The following TOP1 variants were observed in gnomAD, a reference collection of about 807,000 sequenced individuals.
TOP1 encodes the protein DNA topoisomerase 1.
A neutral mutation model predicts 111.1 loss-of-function variants in TOP1; 10 were observed. The ratio of observed to expected loss-of-function variants is 0.09; its 90% CI spans 0.06 to 0.15. TOP1 has a LOEUF of 0.15. Ranked by LOEUF, TOP1 falls within the 10% of genes least tolerant of loss-of-function variation. The pLI, the probability that TOP1 is intolerant of heterozygous loss-of-function variation, is 1.00. For missense variants in TOP1, 474 were observed against 926.7 expected, an observed-to-expected ratio of 0.51 and a Z score of 6.34; for synonymous variants, 271 against 302.9, an observed-to-expected ratio of 0.89 and a Z score of 1.10.
chr20:41,101,732 A>G lies in TOP1; in HGVS notation c.1308+379A>G, dbSNP rs2034067195. ...ATATTGGCCTCTGCAGATGTCTTCT[A>G]CTTCCTCACCTCTCTTGGTTATGAG... On this transcript the variant is annotated intron_variant, in intron 13 of 20. Coordinates refer to ENST00000361337, the MANE Select transcript of TOP1 (RefSeq NM_003286.4). The surrounding 1 kb of genome is among the most constrained non-coding windows in gnomAD (Gnocchi z 4.1). Among the ~76,000 whole-genome samples, 1 of 152,234 alleles carries G rather than the reference A, an allele frequency of 6.6e-6. No homozygotes were observed. The highest frequency in any genetic ancestry group is 1.5e-5 in the Non-Finnish European group (1 of 68,050).
At chr20:41,062,265 A>G (rs919678231) in intron 3 of TOP1, among the ~76,000 whole-genome samples, 1 of 152,238 alleles carries the variant, frequency 6.6e-6, no homozygotes, top group Non-Finnish European at 1.5e-5. Flanking sequence ...GATCTGTCAC[A>G]CATTAGAACA....
Position 41,029,623 on chromosome 20 carries a change from C to T in TOP1, c.58+168C>T, listed in dbSNP as rs2033091383. 7.3e-6 allele frequency: 5 copies of T among 681,032 alleles called. No individual in the cohort carries two copies. The highest frequency in any genetic ancestry group is 1.3e-5 in the Non-Finnish European group (5 of 377,554). The allele number at this position is 681,032 out of a possible 1,614,324, so 42.2% of individuals were successfully genotyped here. A position where few individuals can be genotyped will look rare whatever the true frequency, so the allele number is the denominator to read the frequency against. The stretch of plus-strand genomic sequence containing the variant: ...TCGGGCCGCCTCTTGACCCCCTTTC[C>T]GGGGACCCCAGCTCCTCCAGATCCC... On this transcript the variant is annotated intron_variant, in intron 2 of 20. Transcript: ENST00000361337. This position sits in a 1 kb window ranked among gnomAD's most constrained non-coding sequence, Gnocchi z 6.1.
chr20:41,078,177 G>A lies in TOP1; in HGVS notation c.335+540G>A, dbSNP rs1185728033. 6.6e-6 allele frequency among the ~76,000 whole-genome samples: 1 copy of A among 150,428 alleles called. No homozygotes were observed. The highest frequency in any genetic ancestry group is 1.5e-5 in the Non-Finnish European group (1 of 67,338). ...TGAGTGTAGATTTGGGTAGAATTATGTTATCTCTTTTCTAGAAGGAGAGGA... is the reference window on the plus strand; with the variant it reads ...TGAGTGTAGATTTGGGTAGAATTATATTATCTCTTTTCTAGAAGGAGAGGA... On this transcript the variant is annotated intron_variant, in intron 5 of 20. Transcript: ENST00000361337. The surrounding 1 kb of genome is among the most constrained non-coding windows in gnomAD (Gnocchi z 5.3).
chr20:41,111,029 C>T (rs191601098), intron 13 of TOP1, among the ~76,000 whole-genome samples: 49 of 152,250 alleles, frequency 3.2e-4, no homozygotes, highest in Admixed American at 1.2e-3. Flanking sequence ...GAATGACGTG[C>T]GGGTTGGGTT....
intron 2 of TOP1, among the ~76,000 whole-genome samples, chr20:41,060,832 T>C (rs1426345911): frequency 6.6e-6 from 1 of 152,242 alleles, no homozygotes; most frequent in Non-Finnish European, 1.5e-5. Flanking sequence ...ATAGTTGTTA[T>C]ATTGTGGGGG....
rs1183057546 is a variant in TOP1, at chr20:41,067,643, G to T, written c.155+6153G>T. Among the ~76,000 whole-genome samples, 1 of 152,158 alleles carries T rather than the reference G, an allele frequency of 6.6e-6. No homozygotes were observed. Among genetic ancestry groups the T allele is most frequent in the South Asian group, 2.1e-4 (1 of 4,830 alleles). ...ATTGTAGCTAATTTTGTGGCCATTT[G>T]TTAGGAGAAAACAAGTGTTTCAGAT... On this transcript the variant is annotated intron_variant, in intron 3 of 20. Coordinates refer to ENST00000361337, the MANE Select transcript of TOP1 (RefSeq NM_003286.4). The surrounding 1 kb of genome is among the most constrained non-coding windows in gnomAD (Gnocchi z 4.0).
chr20:41,053,496 T>C (rs2033431310), intron 2 of TOP1, among the ~76,000 whole-genome samples: 1 of 152,214 alleles, frequency 6.6e-6, no homozygotes, highest in Admixed American at 6.5e-5. Context: ...TAAGCAATCT[T>C]ACTGCCTTAC....
chr20:41,038,744 G>A (rs2033221140), intron 2 of TOP1, among the ~76,000 whole-genome samples: 1 of 152,154 alleles, frequency 6.6e-6, no homozygotes, highest in South Asian at 2.1e-4. Flanking sequence ...CCAGCACTTT[G>A]GGAGGCCGAG....
At chr20:41,039,328 C>G (rs1600552911) in intron 2 of TOP1, among the ~76,000 whole-genome samples, 1 of 152,250 alleles carries the variant, frequency 6.6e-6, no homozygotes, top group East Asian at 1.9e-4. Flanking sequence ...ACTGGAGGTA[C>G]TTTCTGGCAG....
intron 8 of TOP1, among the ~76,000 whole-genome samples, chr20:41,085,745 T>C (rs2033840596): frequency 2.0e-5 from 3 of 152,364 alleles, no homozygotes; most frequent in South Asian, 2.1e-4. Flanking sequence ...TTTATGGCTT[T>C]TGTAATTTAG....
chr20:41,045,562 C>G (rs2033323903), intron 2 of TOP1, among the ~76,000 whole-genome samples: 1 of 152,174 alleles, frequency 6.6e-6, no homozygotes, highest in African/African-American at 2.4e-5. Flanking sequence ...TAGGTTATGT[C>G]TGTTGCGTAG....
chr20:41,092,377 T>C lies in TOP1; in HGVS notation c.615-95T>C. ...CCCAGAAGTCATTCCAGAGCACTAA[T>C]CAGTTGAGCGGATAATTATTTGGCA... On this transcript the variant is annotated intron_variant, in intron 8 of 20. Coordinates refer to ENST00000361337, the MANE Select transcript of TOP1 (RefSeq NM_003286.4). This position sits in a 1 kb window ranked among gnomAD's most constrained non-coding sequence, Gnocchi z 4.3. 1 of 569,658 alleles carries C rather than the reference T, an allele frequency of 1.8e-6. No individual in the cohort carries two copies. The highest frequency in any genetic ancestry group is 3.1e-5 in the Admixed American group (1 of 31,806). The allele number at this position is 569,658 out of a possible 1,614,324, so 35.3% of individuals were successfully genotyped here.
chr20:41,099,283 G>A (rs1263765416), intron 11 of TOP1, among the ~76,000 whole-genome samples: 1 of 152,150 alleles, frequency 6.6e-6, no homozygotes, highest in African/African-American at 2.4e-5. Flanking sequence ...AATATTCCAA[G>A]TTAGTGAAAT....
chr20:41,067,891 G>T lies in TOP1; in HGVS notation c.155+6401G>T, dbSNP rs1363949376. 6.6e-6 allele frequency among the ~76,000 whole-genome samples: 1 copy of T among 152,208 alleles called. No homozygotes were observed. The highest frequency in any genetic ancestry group is 1.5e-5 in the Non-Finnish European group (1 of 68,044). Reference sequence around the variant, plus strand: ...TTCCTCTTTATTGTCCTCATGCAAGGTGCAAAACAAGGGAGTAGGTATTAA... The same window carrying T: ...TTCCTCTTTATTGTCCTCATGCAAGTTGCAAAACAAGGGAGTAGGTATTAA... On this transcript the variant is annotated intron_variant, in intron 3 of 20. Coordinates refer to ENST00000361337, the MANE Select transcript of TOP1 (RefSeq NM_003286.4). This position sits in a 1 kb window ranked among gnomAD's most constrained non-coding sequence, Gnocchi z 4.0.
In TOP1 at chr20:41,046,602, G is replaced by GT; in HGVS notation, c.59-14789dup. Among the ~76,000 whole-genome samples, 1 of 152,192 alleles carries GT rather than the reference G, an allele frequency of 6.6e-6. No individual in the cohort carries two copies. Among genetic ancestry groups the GT allele is most frequent in the Non-Finnish European group, 1.5e-5 (1 of 68,018 alleles). On this transcript the variant is annotated intron_variant, in intron 2 of 20. Coordinates refer to ENST00000361337, the MANE Select transcript of TOP1 (RefSeq NM_003286.4). This position sits in a 1 kb window ranked among gnomAD's most constrained non-coding sequence, Gnocchi z 4.3. ...CCTTTGCAGCAAAGCCCCCTGGATA[G>GT]TTTATTTTTTAGCAGTTCAGCTTGT...
At position 41,114,705 on chromosome 20, in the gene TOP1, TTAA is replaced by T. The variant is rs2034301156; in HGVS notation, c.1638+552_1638+554del. 6.6e-6 allele frequency among the ~76,000 whole-genome samples: 1 copy of T among 152,222 alleles called. No individual in the cohort carries two copies. Among genetic ancestry groups the T allele is most frequent in the African/African-American group, 2.4e-5 (1 of 41,440 alleles). On this transcript the variant is annotated intron_variant, in intron 15 of 20. Transcript: ENST00000361337. The surrounding 1 kb of genome is among the most constrained non-coding windows in gnomAD (Gnocchi z 4.5). ...CTCCAACTCCTGACTGAGTGAAAGGTTAATGTTAGTCCCCAGATCTCTGAGCCC... is the reference window on the plus strand; with the variant it reads ...CTCCAACTCCTGACTGAGTGAAAGGTTGTTAGTCCCCAGATCTCTGAGCCC...
intron 2 of TOP1, among the ~76,000 whole-genome samples, chr20:41,041,903 G>T (rs1425415376): frequency 4.7e-5 from 7 of 149,406 alleles, no homozygotes; most frequent in South Asian, 2.1e-4. Context: ...TGATGATGAT[G>T]ATGATTATTA....
chr20:41,077,750 A>G, intron 5 of TOP1, 113 bp downstream of exon 5: 1 of 965,348 alleles, frequency 1.0e-6, no homozygotes, highest in Non-Finnish European at 1.6e-6. Flanking sequence ...GGCCATCTTG[A>G]TGGTTCCCAG....
chr20:41,076,807 A>G (rs1398133936), intron 4 of TOP1, among the ~76,000 whole-genome samples: 1 of 152,184 alleles, frequency 6.6e-6, no homozygotes, highest in African/African-American at 2.4e-5. Context: ...TTCAGATACT[A>G]TGAAATAAGG....
Sources: gnomAD v4.1 joint callset for allele counts (sites outside exome capture counted in the v4.1 genomes callset) on GRCh38, gnomAD v4.1.1 for gene constraint, Gnocchi (gnomAD v3.1) non-coding constraint, MANE v1.5 for transcripts, NCBI Gene and HGNC (gene_info 2026-07-23, HGNC 2026-07-21) for gene names.